Variants in ENPP6 observed in about 807,000 individuals in gnomAD.
ENPP6 encodes ectonucleotide pyrophosphatase/phosphodiesterase 6.
In ENPP6, 32 loss-of-function variants were observed where a neutral mutation model predicts 42.0. The observed-to-expected ratio is 0.76, with a 90% confidence interval of 0.58 to 1.02. The LOEUF is 1.02. ENPP6 is among the 50% of genes least tolerant of loss of function. The pLI, the probability that ENPP6 is intolerant of heterozygous loss-of-function variation, is 0.00. For synonymous variants in ENPP6, 213 were observed against 216.0 expected (o/e 0.99, Z 0.12); for missense variants, 552 against 566.8 (o/e 0.97, Z 0.27).
intron 1 of ENPP6, among the ~76,000 whole-genome samples, chr4:184,194,644 T>C (rs1732765905): frequency 6.6e-6 from 1 of 152,124 alleles, no homozygotes; most frequent in Non-Finnish European, 1.5e-5. Context: ...TGGTGAGAAG[T>C]CTTCTTCCCA....
rs1012078921 is a variant in ENPP6, at chr4:184,184,522, G to A, written c.242-30789C>T. ...GAAAGAGATTAAAATATGAGGGAAA[G>A]CAAATCGTGGCTCCACAACCTGTGT... On this transcript the variant is annotated intron_variant, in intron 1 of 7. Transcript: ENST00000296741. This position sits in a 1 kb window ranked among gnomAD's most constrained non-coding sequence, Gnocchi z 4.7. Among the ~76,000 whole-genome samples the A allele has an allele frequency of 4.6e-5, 7 of 151,564 alleles. No individual in the cohort carries two copies. The highest frequency in any genetic ancestry group is 1.2e-4 in the African/African-American group (5 of 41,310).
At chr4:184,116,040 C>T (rs1736307420) in intron 5 of ENPP6, among the ~76,000 whole-genome samples, 1 of 151,748 alleles carries the variant, frequency 6.6e-6, no homozygotes, top group Non-Finnish European at 1.5e-5. Context: ...ATGGTGAAAC[C>T]CCGTCTCTAC....
At position 184,126,873 on chromosome 4, in the gene ENPP6, T is replaced by C. The variant is rs118046319; in HGVS notation, c.422-2601A>G. Reference sequence around the variant, plus strand: ...CCTAGAGGAATGAAATAGGAAGAAATATGGTCTTTCTGGGGAAAATATTAT... The same window carrying C: ...CCTAGAGGAATGAAATAGGAAGAAACATGGTCTTTCTGGGGAAAATATTAT... On this transcript the variant is annotated intron_variant, in intron 2 of 7. Transcript: ENST00000296741. Among the ~76,000 whole-genome samples the C allele has an allele frequency of 2.2e-4, 33 of 152,272 alleles. No individual in the cohort carries two copies. In the East Asian group the frequency reaches 5.6e-3, roughly 26 times the overall value.
chr4:184,138,417 C>A (rs1736765852), intron 2 of ENPP6, among the ~76,000 whole-genome samples: 1 of 152,182 alleles, frequency 6.6e-6, no homozygotes, highest in South Asian at 2.1e-4. Context: ...AAAGCAAGCA[C>A]TGGAAACATC....
intron 1 of ENPP6, among the ~76,000 whole-genome samples, chr4:184,199,584 A>G (rs1309808764): frequency 3.3e-5 from 5 of 152,180 alleles, no homozygotes; most frequent in African/African-American, 1.2e-4. Context: ...AGAACCTGGA[A>G]GGAGAGCCCA....
At chr4:184,169,541 C>A (rs1339743433) in intron 1 of ENPP6, among the ~76,000 whole-genome samples, 1 of 152,172 alleles carries the variant, frequency 6.6e-6, no homozygotes, top group African/African-American at 2.4e-5. Context: ...GCTTCCTTTG[C>A]CTGTCCCTGG....
At chr4:184,200,131 A>G (rs1732867875) in intron 1 of ENPP6, among the ~76,000 whole-genome samples, 1 of 152,188 alleles carries the variant, frequency 6.6e-6, no homozygotes, top group East Asian at 1.9e-4. Flanking sequence ...ATGAGAGCAA[A>G]CTCATCTGGG....
At chr4:184,176,308 T>A (rs559508164) in intron 1 of ENPP6, among the ~76,000 whole-genome samples, 1 of 152,338 alleles carries the variant, frequency 6.6e-6, no homozygotes, top group African/African-American at 2.4e-5. Flanking sequence ...CCAAATAGGA[T>A]GCAAGGTGCA....
At chr4:184,104,944 G>A (rs1420588430) in intron 6 of ENPP6, among the ~76,000 whole-genome samples, 1 of 152,206 alleles carries the variant, frequency 6.6e-6, no homozygotes, top group African/African-American at 2.4e-5. Context: ...TTCCAAGCTG[G>A]AGAACATTAG....
chr4:184,170,642 A>T (rs1392551415), intron 1 of ENPP6, among the ~76,000 whole-genome samples: 1 of 152,100 alleles, frequency 6.6e-6, no homozygotes, highest in Non-Finnish European at 1.5e-5. Flanking sequence ...TGCCATTAGC[A>T]TGTTCCTTAG....
At chr4:184,194,126 C>G (rs890061724) in intron 1 of ENPP6, among the ~76,000 whole-genome samples, 1 of 152,206 alleles carries the variant, frequency 6.6e-6, no homozygotes, top group Non-Finnish European at 1.5e-5. Flanking sequence ...ATCATGGTCC[C>G]TCATCTACTC....
chr4:184,170,337 G>A (rs1737440772), intron 1 of ENPP6, among the ~76,000 whole-genome samples: 2 of 152,070 alleles, frequency 1.3e-5, no homozygotes, highest in African/African-American at 4.8e-5. Context: ...GGCTGAGGCA[G>A]GAGAATCACT....
At chr4:184,194,698 A>T (rs983918787) in intron 1 of ENPP6, among the ~76,000 whole-genome samples, 1 of 152,210 alleles carries the variant, frequency 6.6e-6, no homozygotes, top group Non-Finnish European at 1.5e-5. Context: ...CCGGGAGTGT[A>T]GGAGACACGC....
chr4:184,121,099 G>A (rs1736408515), intron 3 of ENPP6, among the ~76,000 whole-genome samples: 1 of 152,162 alleles, frequency 6.6e-6, no homozygotes, highest in Non-Finnish European at 1.5e-5. Context: ...CAATACCACG[G>A]ACATGAGAAC....
At chr4:184,179,086 G>C (rs1248442694) in intron 1 of ENPP6, among the ~76,000 whole-genome samples, 1 of 152,152 alleles carries the variant, frequency 6.6e-6, no homozygotes, top group Non-Finnish European at 1.5e-5. Context: ...ATGGCAAGCT[G>C]AATAAAGAGT....
At chr4:184,096,523 G>A (rs1315729038) in intron 7 of ENPP6, among the ~76,000 whole-genome samples, 1 of 152,088 alleles carries the variant, frequency 6.6e-6, no homozygotes, top group Non-Finnish European at 1.5e-5. Context: ...GGGAGAAGAG[G>A]GTGTTCAGGT....
rs973570030 is a variant in ENPP6 at position 184,202,543 on chromosome 4, G to A, written c.241+15036C>T. ...GCAACCCCCGACCCACACCCAGATG[G>A]CAAATGGGCTCAGCACCCCTCCTTC... On this transcript the variant is annotated intron_variant, in intron 1 of 7. Coordinates refer to ENST00000296741, the MANE Select transcript of ENPP6 (RefSeq NM_153343.4). 2.0e-5 allele frequency among the ~76,000 whole-genome samples: 3 copies of A among 152,164 alleles called. No individual in the cohort carries two copies. The South Asian group carries it at 6.2e-4, about 31-fold the overall frequency.
chr4:184,101,522 C>T (rs1295803694), intron 6 of ENPP6, among the ~76,000 whole-genome samples: 2 of 151,972 alleles, frequency 1.3e-5, no homozygotes, highest in South Asian at 2.1e-4. Context: ...AAGAAAGCTG[C>T]CATCAGAGAG....
chr4:184,109,053 A>G (rs1736154571), intron 6 of ENPP6, among the ~76,000 whole-genome samples: 1 of 152,186 alleles, frequency 6.6e-6, no homozygotes, highest in Non-Finnish European at 1.5e-5. Context: ...TCCACTAAAA[A>G]TACAAAAATT....
Sources: allele counts gnomAD v4.1 joint callset (sites outside exome capture counted in the v4.1 genomes callset), GRCh38; gene constraint gnomAD v4.1.1; non-coding constraint Gnocchi (gnomAD v3.1); transcripts MANE v1.5; gene names NCBI Gene and HGNC (gene_info 2026-07-23, HGNC 2026-07-21).